The following RANBP2 variants were observed in gnomAD, a reference collection of about 807,000 sequenced individuals.
RANBP2 encodes the protein E3 SUMO-protein ligase RanBP2.
RANBP2 carries 57 observed loss-of-function variants against 303.6 expected under a neutral mutation model. The ratio of observed to expected loss-of-function variants is 0.19; its 90% CI spans 0.15 to 0.23. The LOEUF is 0.23. Ranked by LOEUF, RANBP2 falls within the 10% of genes least tolerant of loss-of-function variation. The pLI is 1.00. For synonymous variants in RANBP2, 1,167 were observed against 1,301.5 expected, an observed-to-expected ratio of 0.90 and a Z score of 2.23; for missense variants, 3,138 against 3,780.8, an observed-to-expected ratio of 0.83 and a Z score of 4.46.
the RANBP2 span, among the ~76,000 whole-genome samples, chr2:109,191,055 T>C: frequency 6.6e-6 from 1 of 151,820 alleles, no homozygotes; most frequent in African/African-American, 2.4e-5. Context: ...CCACAAAGAG[T>C]CTAACCTCCT....
the RANBP2 span, among the ~76,000 whole-genome samples, chr2:108,874,330 A>G: frequency 6.6e-6 from 1 of 152,150 alleles, no homozygotes; most frequent in Non-Finnish European, 1.5e-5. Flanking sequence ...TTTTATGAGA[A>G]TCATGGGCTT....
the RANBP2 span, among the ~76,000 whole-genome samples, chr2:108,939,101 T>C: frequency 6.6e-6 from 1 of 152,104 alleles, no homozygotes; most frequent in African/African-American, 2.4e-5. Context: ...TATATAAGCA[T>C]AGTAACATGA....
the RANBP2 span, among the ~76,000 whole-genome samples, chr2:108,807,991 A>G: frequency 6.6e-6 from 1 of 152,150 alleles, no homozygotes; most frequent in South Asian, 2.1e-4. Context: ...ACCTCTAGTA[A>G]CCAATATTAT....
At chr2:108,791,455 G>A in the RANBP2 span, 3 of 530,702 alleles carry the variant, frequency 5.7e-6, no homozygotes, top group Admixed American at 2.9e-5. Flanking sequence ...TTTAAATTAA[G>A]TCTATTTAAT....
At chr2:109,490,248 G>C in the RANBP2 span, among the ~76,000 whole-genome samples, 1 of 152,208 alleles carries the variant, frequency 6.6e-6, no homozygotes, top group African/African-American at 2.4e-5. Context: ...TCAAAGCAAA[G>C]AGCAGGCATG....
At chr2:109,701,765 A>C in the RANBP2 span, among the ~76,000 whole-genome samples, 1 of 152,166 alleles carries the variant, frequency 6.6e-6, no homozygotes, top group Non-Finnish European at 1.5e-5. Context: ...GGTTTTCCTG[A>C]CATAGTTCCC....
At chr2:109,331,394 A>G in the RANBP2 span, among the ~76,000 whole-genome samples, 4 of 151,854 alleles carry the variant, frequency 2.6e-5, no homozygotes, top group Admixed American at 2.0e-4. Context: ...GTTTTGCATC[A>G]TGAACTGATT....
the RANBP2 span, among the ~76,000 whole-genome samples, chr2:109,463,449 C>T: frequency 6.6e-6 from 1 of 152,208 alleles, no homozygotes; most frequent in African/African-American, 2.4e-5. Context: ...AAGGTCCGGC[C>T]TGTGGAGAAG....
the RANBP2 span, among the ~76,000 whole-genome samples, chr2:108,796,269 T>C: frequency 1.3e-5 from 2 of 151,616 alleles, no homozygotes; most frequent in Admixed American, 1.3e-4. Context: ...TTAGCCAGGA[T>C]GGTCTCGATC....
At chr2:109,218,194 G>T in the RANBP2 span, among the ~76,000 whole-genome samples, 2 of 151,828 alleles carry the variant, frequency 1.3e-5, no homozygotes, top group African/African-American at 4.8e-5. Flanking sequence ...AGTTTCTGAG[G>T]CACGTGACAA....
At chr2:109,300,593 A>G in the RANBP2 span, among the ~76,000 whole-genome samples, 1 of 152,174 alleles carries the variant, frequency 6.6e-6, no homozygotes, top group South Asian at 2.1e-4. Flanking sequence ...TATGATTGGC[A>G]AATATGCACT....
the RANBP2 span, among the ~76,000 whole-genome samples, chr2:109,741,130 A>G: frequency 9.1e-6 from 1 of 109,798 alleles, no homozygotes; most frequent in African/African-American, 3.6e-5. Context: ...AATATCTTTC[A>G]TGAATATAGA....
chr2:109,134,436 C>T, the RANBP2 span, among the ~76,000 whole-genome samples: 1 of 152,168 alleles, frequency 6.6e-6, no homozygotes, highest in African/African-American at 2.4e-5. Flanking sequence ...GTTCAGAAGG[C>T]CCCTGAGTGT....
the RANBP2 span, chr2:109,398,543 T>C: frequency 6.8e-7 from 1 of 1,477,234 alleles, no homozygotes; most frequent in Non-Finnish European, 9.1e-7. Context: ...TGGTGTGGCA[T>C]GTGACCATGA....
the RANBP2 span, among the ~76,000 whole-genome samples, chr2:108,906,889 C>T: frequency 1.3e-5 from 2 of 152,050 alleles, no homozygotes; most frequent in Non-Finnish European, 1.5e-5. Context: ...TCACTGAACT[C>T]GGGGCAGGCA....
chr2:109,146,776 CTCCTT>C, the RANBP2 span, among the ~76,000 whole-genome samples: 1 of 132,106 alleles, frequency 7.6e-6, no homozygotes, highest in African/African-American at 2.9e-5. Flanking sequence ...TTGCGGATCT[CTCCTT>C]TCTTTAGTGC....
At chr2:108,790,650 G>A (rs567339801), downstream of RANBP2, among the ~76,000 whole-genome samples, 2 of 152,290 alleles carry the variant, frequency 1.3e-5, no homozygotes, top group South Asian at 2.1e-4. Context: ...GCAGTGAGCC[G>A]AGATCGCGCC....
the RANBP2 span, among the ~76,000 whole-genome samples, chr2:109,286,209 C>G: frequency 8.3e-4 from 127 of 152,292 alleles, 1 homozygote; most frequent in African/African-American, 2.9e-3. Context: ...AAGGGCCTGG[C>G]AAAGGGATAG....
the RANBP2 span, among the ~76,000 whole-genome samples, chr2:109,199,428 T>TTAACC: frequency 2.5e-3 from 3 of 1,192 alleles, 1 homozygote; most frequent in Admixed American, 0.013. Flanking sequence ...TGGAATGGAA[T>TTAACC]GGAATGGAAT....
Sources: gnomAD v4.1 joint callset for allele counts (sites outside exome capture counted in the v4.1 genomes callset) on GRCh38, gnomAD v4.1.1 for gene constraint, MANE v1.5 for transcripts, NCBI Gene and HGNC (gene_info 2026-07-23, HGNC 2026-07-21) for gene names.